The following LRBA variants were observed in gnomAD, a reference collection of about 807,000 sequenced individuals.
LRBA encodes the protein LPS responsive beige-like anchor protein, also known as lipopolysaccharide-responsive and beige-like anchor protein.
A neutral mutation model predicts 330.0 loss-of-function variants in LRBA; 176 were observed. The ratio of observed to expected loss-of-function variants is 0.53; its 90% CI spans 0.47 to 0.60. The LOEUF (loss-of-function observed/expected upper bound fraction) is 0.60. Ranked by LOEUF, LRBA falls within the 20% of genes least tolerant of loss-of-function variation. The pLI is 0.00. For missense variants in LRBA, 3,259 were observed against 3,444.8 expected, an observed-to-expected ratio of 0.95 and a Z score of 1.35; for synonymous variants, 1,230 against 1,193.0, an observed-to-expected ratio of 1.03 and a Z score of -0.64.
chr4:150,643,933 C>T (rs1461938696), intron 37 of LRBA, among the ~76,000 whole-genome samples: 1 of 151,916 alleles, frequency 6.6e-6, no homozygotes, highest in Non-Finnish European at 1.5e-5. Flanking sequence ...AAGCAGAGTA[C>T]GTGGTGCTCT....
At chr4:150,589,040 T>TACAC (rs10637563) in intron 39 of LRBA, among the ~76,000 whole-genome samples, 18,863 of 146,566 alleles carry the variant, frequency 0.13, 1,271 homozygotes, top group Admixed American at 0.18. Context: ...TGTGTGTGTA[T>TACAC]ACACACACAC....
At chr4:150,514,048 C>A in intron 40 of LRBA, among the ~76,000 whole-genome samples, 1 of 151,998 alleles carries the variant, frequency 6.6e-6, no homozygotes, top group Non-Finnish European at 1.5e-5. Context: ...CATTTCAGAC[C>A]TTTCATAGTT....
intron 40 of LRBA, among the ~76,000 whole-genome samples, chr4:150,544,326 C>G (rs188192091): frequency 6.6e-6 from 1 of 152,196 alleles, no homozygotes; most frequent in East Asian, 1.9e-4. Context: ...CGGAGTTTTG[C>G]CATGTTGGCC....
intron 42 of LRBA, among the ~76,000 whole-genome samples, chr4:150,483,639 G>A (rs1757547959): frequency 6.6e-6 from 1 of 151,742 alleles, no homozygotes; most frequent in Non-Finnish European, 1.5e-5. Flanking sequence ...TGGCCATCTT[G>A]CCAATTTCTT....
At chr4:150,710,410 A>C (rs920839885) in intron 36 of LRBA, among the ~76,000 whole-genome samples, 1 of 152,168 alleles carries the variant, frequency 6.6e-6, no homozygotes, top group African/African-American at 2.4e-5. Flanking sequence ...ACAAGTATAC[A>C]GTGGTATCAC....
chr4:150,802,609 A>T (rs1255488528), intron 33 of LRBA, among the ~76,000 whole-genome samples: 1 of 152,170 alleles, frequency 6.6e-6, no homozygotes, highest in Non-Finnish European at 1.5e-5. Context: ...TACTTGAAAA[A>T]GAGGGTTAAT....
At chr4:150,526,994 CTCT>C (rs1238301470) in intron 40 of LRBA, among the ~76,000 whole-genome samples, 8 of 150,970 alleles carry the variant, frequency 5.3e-5, no homozygotes, top group Non-Finnish European at 1.2e-4. Context: ...GAGAATCTCT[CTCT>C]TCTTCTTTTC....
intron 33 of LRBA, among the ~76,000 whole-genome samples, chr4:150,801,814 T>C (rs1379599255): frequency 6.6e-6 from 1 of 152,046 alleles, no homozygotes; most frequent in East Asian, 1.9e-4. Flanking sequence ...ATATCTAAGA[T>C]ATTTTTTGCC....
rs1158530900 is a variant in LRBA, at chr4:150,820,546, C to A, written c.5172-3289G>T. Among the ~76,000 whole-genome samples, 7 of 152,052 alleles carry A rather than the reference C, an allele frequency of 4.6e-5. No individual in the cohort carries two copies. In the South Asian group the frequency reaches 1.5e-3, roughly 32 times the overall value. On this transcript the variant is annotated intron_variant, in intron 30 of 56. Coordinates refer to ENST00000651943, the MANE Select transcript of LRBA (RefSeq NM_001364905.1). Reference sequence around the variant, plus strand: ...TAAATTTTTAAAAGCTGAATTATTTCATATAGCTACATAATTAGTATATAA... The same window carrying A: ...TAAATTTTTAAAAGCTGAATTATTTAATATAGCTACATAATTAGTATATAA...
At chr4:150,862,678 T>A (rs1372312760) in intron 22 of LRBA, among the ~76,000 whole-genome samples, 41 of 139,998 alleles carry the variant, frequency 2.9e-4, no homozygotes, top group African/African-American at 6.2e-4. Flanking sequence ...AAGTATAATT[T>A]AAAAAAAAAA....
At chr4:150,491,170 T>C in intron 40 of LRBA, 135 bp from the exon 41 acceptor site, 2 of 419,784 alleles carry the variant, frequency 4.8e-6, no homozygotes, top group Non-Finnish European at 8.5e-6. Flanking sequence ...GTTACAGACA[T>C]AATTTGGAGA....
chr4:150,937,598 T>C (rs984386790), intron 2 of LRBA, among the ~76,000 whole-genome samples: 4 of 152,254 alleles, frequency 2.6e-5, no homozygotes, highest in East Asian at 3.9e-4. Flanking sequence ...CTTTGCTATA[T>C]AGAACATTTT....
chr4:150,348,320 T>C (rs779211347), intron 48 of LRBA, among the ~76,000 whole-genome samples: 4 of 152,178 alleles, frequency 2.6e-5, no homozygotes, highest in Admixed American at 6.5e-5. Context: ...CATGAAAACA[T>C]TGCGTAACCT....
chr4:150,465,448 T>A (rs1205681917), intron 44 of LRBA, among the ~76,000 whole-genome samples: 1 of 152,148 alleles, frequency 6.6e-6, no homozygotes, highest in East Asian at 1.9e-4. Flanking sequence ...GTTTGACATA[T>A]AAGCTGCACT....
rs554962650 is a variant in LRBA at position 150,915,387 on chromosome 4, C to G, written c.1014+221G>C. Among the ~76,000 whole-genome samples the G allele has an allele frequency of 4.6e-5, 7 of 152,106 alleles. No individual in the cohort carries two copies. In the South Asian group the frequency reaches 1.5e-3, roughly 32 times the overall value. On this transcript the variant is annotated intron_variant, in intron 8 of 56. Transcript: ENST00000651943. The stretch of plus-strand genomic sequence containing the variant: ...ACTCCCCAGATATAGCCACTGTTAG[C>G]TATAAATCCTTATTTCTACCTATAT...
At chr4:150,577,753 G>A (rs1581722541) in intron 40 of LRBA, among the ~76,000 whole-genome samples, 1 of 151,944 alleles carries the variant, frequency 6.6e-6, no homozygotes, top group Admixed American at 6.6e-5. Context: ...TTTAAGTCTC[G>A]TTAACATGAT....
At chr4:150,323,958 C>T (rs1186007869) in intron 49 of LRBA, among the ~76,000 whole-genome samples, 2 of 152,176 alleles carry the variant, frequency 1.3e-5, no homozygotes, top group Admixed American at 1.3e-4. Context: ...CATTTGTTGA[C>T]AACTCTGGTT....
intron 35 of LRBA, among the ~76,000 whole-genome samples, chr4:150,747,034 CA>C (rs1732834769): frequency 6.6e-6 from 1 of 152,162 alleles, no homozygotes; most frequent in Non-Finnish European, 1.5e-5. Flanking sequence ...CCATGATCTA[CA>C]AAAGAGACTA....
intron 40 of LRBA, among the ~76,000 whole-genome samples, chr4:150,568,276 C>T (rs1391574673): frequency 2.0e-5 from 3 of 151,992 alleles, no homozygotes; most frequent in Non-Finnish European, 4.4e-5. Context: ...AGATTGGGGG[C>T]CAATGTGAAA....
Sources: allele counts gnomAD v4.1 joint callset (sites outside exome capture counted in the v4.1 genomes callset), GRCh38; gene constraint gnomAD v4.1.1; transcripts MANE v1.5; gene names NCBI Gene and HGNC (gene_info 2026-07-23, HGNC 2026-07-21).